Variants in RPH3A observed in about 807,000 individuals in gnomAD.
The protein encoded by RPH3A is rabphilin 3A, also known as rabphilin-3A.
RPH3A carries 48 observed loss-of-function variants against 102.2 expected under a neutral mutation model. The observed-to-expected ratio is 0.47, with a 90% CI of 0.37 to 0.60. The LOEUF is 0.60. Ranked by LOEUF, RPH3A falls within the 20% of genes least tolerant of loss-of-function variation. The pLI, the probability that RPH3A is intolerant of heterozygous loss-of-function variation, is 0.00. For synonymous variants in RPH3A, 310 were observed against 324.3 expected, an observed-to-expected ratio of 0.96 and a Z score of 0.47; for missense variants, 781 against 910.1, an observed-to-expected ratio of 0.86 and a Z score of 1.83.
chr12:112,775,897 A>T (rs1324697288), intron 1 of RPH3A, among the ~76,000 whole-genome samples: 1 of 152,158 alleles, frequency 6.6e-6, no homozygotes, highest in African/African-American at 2.4e-5. Context: ...CACATCTTTT[A>T]TCTCTACTTA....
intron 1 of RPH3A, among the ~76,000 whole-genome samples, chr12:112,763,831 G>T (rs2040870812): frequency 2.0e-5 from 3 of 152,162 alleles, no homozygotes; most frequent in Non-Finnish European, 4.4e-5. Context: ...CTGCGAGAAG[G>T]GTTCACTCAG....
chr12:112,593,243 C>G (rs1470176178), intron 1 of RPH3A, among the ~76,000 whole-genome samples: 1 of 152,152 alleles, frequency 6.6e-6, no homozygotes, highest in African/African-American at 2.4e-5. Flanking sequence ...TCTGCTGGTA[C>G]CTTGATTGTG....
intron 1 of RPH3A, among the ~76,000 whole-genome samples, chr12:112,715,642 A>G (rs150545424): frequency 1.4e-4 from 21 of 152,248 alleles, no homozygotes; most frequent in African/African-American, 4.8e-4. Flanking sequence ...TCTCTTCCCA[A>G]CTACATGGTG....
At chr12:112,731,823 T>G (rs2040636162) in intron 1 of RPH3A, among the ~76,000 whole-genome samples, 2 of 152,224 alleles carry the variant, frequency 1.3e-5, no homozygotes, top group African/African-American at 4.8e-5. Context: ...ACAGCAAATA[T>G]TTCAATCAAA....
rs529309172 is a variant in RPH3A, at chr12:112,855,061, GA to G, written c.230+7222del. ...CTCCCAACTCTATTTTCCATGACAG[GA>G]AAGGGCAGGGAGAAGGGTCAGAAAG... On this transcript the variant is annotated intron_variant, in intron 5 of 21. Coordinates refer to ENST00000389385, the MANE Select transcript of RPH3A (RefSeq NM_001143854.2). 5.3e-5 allele frequency among the ~76,000 whole-genome samples: 8 copies of G among 152,250 alleles called. No individual in the cohort carries two copies. The South Asian group carries it at 1.7e-3, about 32-fold the overall frequency.
At chr12:112,693,201 T>A (rs1392806971) in intron 1 of RPH3A, among the ~76,000 whole-genome samples, 1 of 152,242 alleles carries the variant, frequency 6.6e-6, no homozygotes, top group African/African-American at 2.4e-5. Flanking sequence ...CAGCAATTTC[T>A]TGGTTTGTAC....
chr12:112,847,684 A>C lies in RPH3A; in HGVS notation c.84-12A>C. 6.2e-7 allele frequency: 1 copy of C among 1,612,864 alleles called. No individual in the cohort carries two copies. Among genetic ancestry groups the C allele is most frequent in the Non-Finnish European group, 8.5e-7 (1 of 1,179,492 alleles). On this transcript the variant is annotated splice_polypyrimidine_tract_variant and intron_variant, in intron 4 of 21. Coordinates refer to ENST00000389385, the MANE Select transcript of RPH3A (RefSeq NM_001143854.2). ...TCTGCCCACCCTCACACCTTCCCAAATTTCCTTTCAGGCTCCAGGCAGGCT... is the reference window on the plus strand; with the variant it reads ...TCTGCCCACCCTCACACCTTCCCAACTTTCCTTTCAGGCTCCAGGCAGGCT...
chr12:112,613,624 AC>A, intron 1 of RPH3A, among the ~76,000 whole-genome samples: 1 of 152,106 alleles, frequency 6.6e-6, no homozygotes, highest in African/African-American at 2.4e-5. Flanking sequence ...ACATAGTGAG[AC>A]CCTGTCTTTA....
Position 112,793,136 on chromosome 12 carries a change from G to T in RPH3A, c.-19+873G>T, listed in dbSNP as rs117797978. Among the ~76,000 whole-genome samples, 546 of 152,270 alleles carry T rather than the reference G, an allele frequency of 3.6e-3. 5 individuals are homozygous for T. Among genetic ancestry groups the T allele is most frequent in the South Asian group, 5.4e-3 (26 of 4,814 alleles). ...TAGTTTCTTTTTCCAAGATCCTGAT[G>T]GGGAAAGGCTGCACCAACCTGTTAG... On this transcript the variant is annotated intron_variant, in intron 2 of 21. Coordinates refer to ENST00000389385, the MANE Select transcript of RPH3A (RefSeq NM_001143854.2).
intron 1 of RPH3A, among the ~76,000 whole-genome samples, chr12:112,682,411 CCTT>C (rs1414314136): frequency 2.7e-5 from 4 of 149,836 alleles, no homozygotes; most frequent in Non-Finnish European, 5.9e-5. Flanking sequence ...GTGAGGCTGA[CCTT>C]CTTTACTCAG....
In RPH3A at chr12:112,868,499, A is replaced by C. The variant is rs544504128; in HGVS notation, c.514A>C (p.Ile172Leu). The change falls in exon 8 of 22, where the codon ATA becomes CTA. Residue 172 changes from isoleucine (I) to leucine (L), a missense_variant. This residue lies in a region of RPH3A where 730 missense variants were observed against 810.0 expected (regional missense o/e 0.90). Transcript: ENST00000389385. ...ACAGGTCCTCCCACAGCCTATGCCTATAAAGAAGACCAAGCCCCAGCAGCC... is the reference window on the plus strand; with the variant it reads ...ACAGGTCCTCCCACAGCCTATGCCTCTAAAGAAGACCAAGCCCCAGCAGCC... ...PKQVLPQPMP[I>L]KKTKPQQPVS... 1.2e-6 allele frequency: 2 copies of C among 1,614,192 alleles called. No homozygotes were observed. Among genetic ancestry groups the C allele is most frequent in the East Asian group, 4.5e-5 (2 of 44,890 alleles).
intron 1 of RPH3A, among the ~76,000 whole-genome samples, chr12:112,724,255 G>C (rs1693376796): frequency 6.6e-6 from 1 of 151,924 alleles, no homozygotes; most frequent in Admixed American, 6.6e-5. Flanking sequence ...GGTAAAGACA[G>C]GGTCTCACTA....
Position 112,616,179 on chromosome 12 carries a change from CTCTG to C in RPH3A, c.-140+40863_-140+40866del, listed in dbSNP as rs534958550. Among the ~76,000 whole-genome samples the C allele has an allele frequency of 5.3e-3, 812 of 152,282 alleles. 7 individuals carry two copies. Among genetic ancestry groups the C allele is most frequent in the African/African-American group, 0.018 (753 of 41,554 alleles). ...TTGTTATTTTTGAGACAGAATCTTG[CTCTG>C]TCACTCAAGCTGGAGTGCAGTGGCA... is the stretch of plus-strand genomic sequence containing the variant. On this transcript the variant is annotated intron_variant, in intron 1 of 21. Transcript: ENST00000543106.
At chr12:112,799,800 C>A (rs2041306455) in intron 2 of RPH3A, among the ~76,000 whole-genome samples, 1 of 152,228 alleles carries the variant, frequency 6.6e-6, no homozygotes, top group African/African-American at 2.4e-5. Flanking sequence ...GCTTCTCAAA[C>A]TTGAGCCTGC....
intron 2 of RPH3A, among the ~76,000 whole-genome samples, chr12:112,809,808 C>T (rs957124855): frequency 1.3e-5 from 2 of 152,190 alleles, no homozygotes; most frequent in African/African-American, 4.8e-5. Flanking sequence ...CCTAGGCTCT[C>T]TAGGAAAGGT....
At chr12:112,658,459 G>T (rs2040028006) in intron 1 of RPH3A, among the ~76,000 whole-genome samples, 1 of 152,248 alleles carries the variant, frequency 6.6e-6, no homozygotes, top group Non-Finnish European at 1.5e-5. Context: ...TTGCAGGTGT[G>T]AGCTATAGTG....
intron 1 of RPH3A, among the ~76,000 whole-genome samples, chr12:112,731,504 TA>T (rs760582951): frequency 7.2e-5 from 11 of 152,312 alleles, no homozygotes; most frequent in Non-Finnish European, 1.5e-4. Flanking sequence ...TCTAAAAGCT[TA>T]ATCACCTGTG....
rs10563429 is a variant in RPH3A, at chr12:112,897,145, TACACAC to T, written c.*390_*395del. The T allele has an allele frequency of 9.5e-3, 1,747 of 183,624 alleles. 35 individuals are homozygous for T. Among genetic ancestry groups the T allele is most frequent in the East Asian group, 0.082 (610 of 7,458 alleles). The allele number at this position is 183,624 out of a possible 1,614,324, so 11.4% of individuals were successfully genotyped here. A position where few individuals can be genotyped will look rare whatever the true frequency, so the allele number is the denominator to read the frequency against. ...CCTCCTAGCCTTGAACACACACATG[TACACAC>T]ACACACACACACACACACACACACC... On this transcript the variant is annotated 3_prime_UTR_variant, in exon 22 of 22. Transcript: ENST00000389385.
intron 1 of RPH3A, among the ~76,000 whole-genome samples, chr12:112,651,392 C>T (rs942446378): frequency 1.3e-5 from 2 of 151,538 alleles, no homozygotes; most frequent in African/African-American, 4.8e-5. Context: ...AAAAAACAAA[C>T]AAACAAACAA....
Sources: gnomAD v4.1 joint callset for allele counts (sites outside exome capture counted in the v4.1 genomes callset) on GRCh38, gnomAD v4.1.1 for gene constraint, gnomAD v4.1.1 regional missense constraint, MANE v1.5 for transcripts, NCBI Gene and HGNC (gene_info 2026-07-23, HGNC 2026-07-21) for gene names.